The following PCDHGB7 variants were observed in gnomAD, a reference collection of about 807,000 sequenced individuals.
The protein encoded by PCDHGB7 is protocadherin gamma-B7.
PCDHGB7 carries 37 observed loss-of-function variants against 61.4 expected under a neutral mutation model. The observed-to-expected ratio is 0.60, with a 90% CI of 0.46 to 0.79. PCDHGB7 has a LOEUF of 0.79. PCDHGB7 is among the 30% of genes least tolerant of loss of function. The probability of loss-of-function intolerance (pLI) is 0.00; values close to 1 mark genes in which losing one functional copy is unlikely to be tolerated. For missense variants in PCDHGB7, 1,166 were observed against 1,202.5 expected (o/e 0.97, Z 0.45); for synonymous variants, 464 against 503.5 (o/e 0.92, Z 1.05).
At chr5:141,429,571 A>G (rs1221285032) in intron 1 of PCDHGB7, among the ~76,000 whole-genome samples, 2 of 152,156 alleles carry the variant, frequency 1.3e-5, no homozygotes, top group Non-Finnish European at 2.9e-5. Flanking sequence ...ATTCAGTTAC[A>G]TTTACTTTTG....
At chr5:141,484,120 C>A (rs1158603108) in intron 1 of PCDHGB7, among the ~76,000 whole-genome samples, 1 of 152,146 alleles carries the variant, frequency 6.6e-6, no homozygotes, top group African/African-American at 2.4e-5. Flanking sequence ...ATCAAGAATA[C>A]CTTGGTGTCA....
In PCDHGB7 at chr5:141,486,077, C is replaced by T; in HGVS notation, c.2416-8730C>T. 6.2e-7 allele frequency: 1 copy of T among 1,614,186 alleles called. No individual in the cohort carries two copies. The highest frequency in any genetic ancestry group is 8.5e-7 in the Non-Finnish European group (1 of 1,180,024). ...TAGCCTGCACCCCACTACTGGAAAG[C>T]TTACTCTTTTGGGGCCCCTAGACTT... On this transcript the variant is annotated intron_variant, in intron 1 of 3. Coordinates refer to ENST00000398594, the MANE Select transcript of PCDHGB7 (RefSeq NM_018927.4). The surrounding 1 kb of genome is among the most constrained non-coding windows in gnomAD (Gnocchi z 5.0).
At chr5:141,460,616 T>C (rs905095529) in intron 1 of PCDHGB7, among the ~76,000 whole-genome samples, 8 of 152,114 alleles carry the variant, frequency 5.3e-5, no homozygotes, top group Non-Finnish European at 7.4e-5. Context: ...GATGGATAGA[T>C]AGACAGATAC....
intron 1 of PCDHGB7, chr5:141,421,975 G>T: frequency 6.2e-7 from 1 of 1,610,052 alleles, no homozygotes; most frequent in African/African-American, 1.3e-5. Context: ...CGTATATCGC[G>T]TGAGTGTTCC....
intron 1 of PCDHGB7, among the ~76,000 whole-genome samples, chr5:141,460,135 T>G (rs2098983196): frequency 6.6e-6 from 1 of 152,044 alleles, no homozygotes; most frequent in South Asian, 2.1e-4. Flanking sequence ...ATATATATAT[T>G]CTTGATGTGA....
chr5:141,422,056 G>C lies in PCDHGB7; in HGVS notation c.2415+1782G>C, dbSNP rs1003977721. 1.2e-6 allele frequency: 2 copies of C among 1,611,816 alleles called. No individual in the cohort carries two copies. The highest frequency in any genetic ancestry group is 2.7e-5 in the African/African-American group (2 of 74,764). ...GGATCCAGACGAGGGAATCAACGGG[G>C]AAGTAATGTATTCATTTCGGAACAT... On this transcript the variant is annotated intron_variant, in intron 1 of 3. Transcript: ENST00000398594.
chr5:141,417,923 C>T lies in PCDHGB7; in HGVS notation c.64C>T (p.Leu22=). 1 of 1,608,652 alleles carries T rather than the reference C, an allele frequency of 6.2e-7. No individual in the cohort carries two copies. Among genetic ancestry groups the T allele is most frequent in the Non-Finnish European group, 8.5e-7 (1 of 1,177,214 alleles). The change falls in exon 1 of 4, where the codon CTG becomes TTG. Residue 22 remains leucine, a synonymous_variant. Coordinates refer to ENST00000398594, the MANE Select transcript of PCDHGB7 (RefSeq NM_018927.4). The stretch of plus-strand genomic sequence containing the variant: ...GCGGCAGGTACTATTTCCTTTGCTG[C>T]TGCCTTTGTTCTACCCCACGCTGTG... ...GPRQVLFPLL[L]PLFYPTLCEP...
chr5:141,428,307 C>A, intron 1 of PCDHGB7: 1 of 688,030 alleles, frequency 1.5e-6, no homozygotes, highest in South Asian at 1.6e-5. Flanking sequence ...TTTACCTGGT[C>A]GTGGCCTTGG....
intron 2 of PCDHGB7, among the ~76,000 whole-genome samples, chr5:141,502,139 C>T (rs923501238): frequency 6.6e-6 from 1 of 152,104 alleles, no homozygotes; most frequent in African/African-American, 2.4e-5. Flanking sequence ...TCAGTCGGGC[C>T]GGAAGTAAGG....
intron 1 of PCDHGB7, among the ~76,000 whole-genome samples, chr5:141,492,622 C>A (rs2099742615): frequency 6.6e-6 from 1 of 152,218 alleles, no homozygotes; most frequent in South Asian, 2.1e-4. Flanking sequence ...GCCGGGCGGG[C>A]AGGACTCTAC....
In PCDHGB7 at chr5:141,485,944, G is replaced by A; in HGVS notation, c.2416-8863G>A. 1.2e-6 allele frequency: 2 copies of A among 1,614,116 alleles called. No homozygotes were observed. The highest frequency in any genetic ancestry group is 1.7e-6 in the Non-Finnish European group (2 of 1,180,020). ...TTAGTGTGTTGGAGAGCGCACCAGC[G>A]GGCATGGTGCTCATCCAGCTCAATG... On this transcript the variant is annotated intron_variant, in intron 1 of 3. Coordinates refer to ENST00000398594, the MANE Select transcript of PCDHGB7 (RefSeq NM_018927.4). This position sits in a 1 kb window ranked among gnomAD's most constrained non-coding sequence, Gnocchi z 5.7.
chr5:141,431,215 CCCTCTACCCCACG>C lies in PCDHGB7; in HGVS notation c.2415+10945_2415+10957del. The C allele has an allele frequency of 6.2e-7, 1 of 1,614,184 alleles. No homozygotes were observed. Among genetic ancestry groups the C allele is most frequent in the Non-Finnish European group, 8.5e-7 (1 of 1,180,048 alleles). On this transcript the variant is annotated intron_variant, in intron 1 of 3. Transcript: ENST00000398594. The surrounding 1 kb of genome is among the most constrained non-coding windows in gnomAD (Gnocchi z 4.8). ...AAAATGCAGCCACTGAGATGCGGTT[CCCTCTACCCCACG>C]CCTGGGATCCGGATATCGGGAAGAA... is the stretch of plus-strand genomic sequence containing the variant.
rs1446853595 is a variant in PCDHGB7 at position 141,491,363 on chromosome 5, C to A, written c.2416-3444C>A. The A allele has an allele frequency of 1.2e-6, 2 of 1,614,182 alleles. No homozygotes were observed. Among genetic ancestry groups the A allele is most frequent in the South Asian group, 2.2e-5 (2 of 91,082 alleles). On this transcript the variant is annotated intron_variant, in intron 1 of 3. Coordinates refer to ENST00000398594, the MANE Select transcript of PCDHGB7 (RefSeq NM_018927.4). The surrounding 1 kb of genome is among the most constrained non-coding windows in gnomAD (Gnocchi z 6.9). ...ACCGTCAGTCTCTTATCCCTAGTCA[C>A]CTTCACCTTTCTGTCAGCGAAGTGC...
chr5:141,463,438 CTTTTTTTTTT>C (rs71576115), intron 1 of PCDHGB7, among the ~76,000 whole-genome samples: 6 of 103,254 alleles, frequency 5.8e-5, no homozygotes, highest in Non-Finnish European at 9.4e-5. Flanking sequence ...TTTCCTTCTC[CTTTTTTTTTT>C]TTTTTTTTTT....
intron 1 of PCDHGB7, among the ~76,000 whole-genome samples, chr5:141,425,769 A>C (rs1355689852): frequency 6.6e-6 from 1 of 152,256 alleles, no homozygotes; most frequent in Non-Finnish European, 1.5e-5. Flanking sequence ...ACAGGAGAGA[A>C]GACTTTGCCT....
At chr5:141,482,116 T>C (rs1017195289) in intron 1 of PCDHGB7, among the ~76,000 whole-genome samples, 4 of 150,222 alleles carry the variant, frequency 2.7e-5, no homozygotes, top group South Asian at 2.1e-4. Context: ...TATCTAGAGA[T>C]GGGAGAATCA....
chr5:141,476,179 T>C lies in PCDHGB7; in HGVS notation c.2416-18628T>C, dbSNP rs1283155400. 26 of 1,613,476 alleles carry C rather than the reference T, an allele frequency of 1.6e-5. No homozygotes were observed. The highest frequency in any genetic ancestry group is 2.0e-5 in the Non-Finnish European group (24 of 1,179,998). On this transcript the variant is annotated intron_variant, in intron 1 of 3. Transcript: ENST00000398594. This position sits in a 1 kb window ranked among gnomAD's most constrained non-coding sequence, Gnocchi z 7.6. Reference sequence around the variant, plus strand: ...CCGGGAGGGTAGTGGGAGTTTTGCTTCTGCTTGGTGCCTTGAACAAGGCTT... The same window carrying C: ...CCGGGAGGGTAGTGGGAGTTTTGCTCCTGCTTGGTGCCTTGAACAAGGCTT...
chr5:141,489,257 T>C lies in PCDHGB7; in HGVS notation c.2416-5550T>C, dbSNP rs2099684606. 5.8e-6 allele frequency: 9 copies of C among 1,550,190 alleles called. No homozygotes were observed. The highest frequency in any genetic ancestry group is 1.4e-5 in the African/African-American group (1 of 73,054). On this transcript the variant is annotated intron_variant, in intron 1 of 3. Transcript: ENST00000398594. This position sits in a 1 kb window ranked among gnomAD's most constrained non-coding sequence, Gnocchi z 4.5. Reference sequence around the variant, plus strand: ...TTCTGGGTCATGGGGCCCAAGACACTCCCACAGCTCGCTGGGAAATGGCAA... The same window carrying C: ...TTCTGGGTCATGGGGCCCAAGACACCCCCACAGCTCGCTGGGAAATGGCAA...
chr5:141,421,838 A>G (rs2096604619), intron 1 of PCDHGB7: 1 of 1,613,764 alleles, frequency 6.2e-7, no homozygotes, highest in East Asian at 2.2e-5. Flanking sequence ...CTGGACCGAG[A>G]GAAAGAGGCT....
Sources: allele counts gnomAD v4.1 joint callset (sites outside exome capture counted in the v4.1 genomes callset), GRCh38; gene constraint gnomAD v4.1.1; non-coding constraint Gnocchi (gnomAD v3.1); transcripts MANE v1.5; gene names NCBI Gene and HGNC (gene_info 2026-07-23, HGNC 2026-07-21).